REN: variants seen among roughly 807,000 people sequenced by gnomAD.
REN encodes the protein angiotensin-forming enzyme.
In REN, 42 loss-of-function variants were observed where a neutral mutation model predicts 48.6. That is an observed-to-expected ratio of 0.86 (90% CI 0.68 to 1.12). REN has a LOEUF of 1.12. Ranked by LOEUF, REN falls within the 50% of genes most tolerant of loss-of-function variation. The pLI, the probability that REN is intolerant of heterozygous loss-of-function variation, is 0.00. For synonymous variants in REN, 196 were observed against 204.6 expected (o/e 0.96, Z 0.36); for missense variants, 443 against 527.3 (o/e 0.84, Z 1.57).
In REN at chr1:204,159,037, C is replaced by A. The variant is rs11571118; in HGVS notation, c.689+362G>T. Among the ~76,000 whole-genome samples the A allele has an allele frequency of 7.7e-3, 1,178 of 152,272 alleles. 20 individuals carry two copies. Among genetic ancestry groups the A allele is most frequent in the African/African-American group, 0.027 (1,128 of 41,548 alleles). On this transcript the variant is annotated intron_variant, in intron 5 of 9. Transcript: ENST00000272190. The stretch of plus-strand genomic sequence containing the variant: ...AGTAATCCCTTATTTACCATCGCCC[C>A]CACCTTGCATCTCCTCTTGCTCCAG...
Position 204,166,178 on chromosome 1 carries a change from G to A in REN, c.98+18C>T, listed in dbSNP as rs369600378. The A allele has an allele frequency of 5.6e-6, 9 of 1,607,578 alleles. No homozygotes were observed. The African/African-American group carries it at 1.2e-4, about 21-fold the overall frequency. The stretch of plus-strand genomic sequence containing the variant: ...CCTGCACCCCTCCCACCCCTTCTCT[G>A]CCTGAGTTACCAATTACCGTTTAAA... On this transcript the variant is annotated intron_variant, in intron 1 of 9. Coordinates refer to ENST00000272190, the MANE Select transcript of REN (RefSeq NM_000537.4).
chr1:204,159,712 G>A (rs76127380), intron 4 of REN, 117 bp from the exon 5 acceptor site: 12 of 864,056 alleles, frequency 1.4e-5, no homozygotes, highest in African/African-American at 1.2e-4. Context: ...TACAGAAATC[G>A]GGGTAAGAGT....
intron 1 of REN, among the ~76,000 whole-genome samples, chr1:204,164,322 C>T: frequency 6.6e-6 from 1 of 152,124 alleles, no homozygotes; most frequent in East Asian, 1.9e-4. Context: ...ATATCACCTC[C>T]CTGAGCCTCA....
chr1:204,158,103 C>A (rs1658180120), intron 5 of REN, among the ~76,000 whole-genome samples: 1 of 151,744 alleles, frequency 6.6e-6, no homozygotes. Context: ...GATCTCACCC[C>A]CCACGCCACC....
chr1:204,164,183 G>A (rs1658297629), intron 1 of REN, among the ~76,000 whole-genome samples: 1 of 152,172 alleles, frequency 6.6e-6, no homozygotes, highest in African/African-American at 2.4e-5. Flanking sequence ...CTGGAGTGCA[G>A]CTGCTTTGAA....
Position 204,156,682 on chromosome 1 carries a change from C to G in REN, c.813G>C (p.Met271Ile). ...GAGGGTTGAGGATTTCTGACCCCTTCATTTGAATCTGCCAGACACCAGTCT... is the reference window on the plus strand; with the variant it reads ...GAGGGTTGAGGATTTCTGACCCCTTGATTTGAATCTGCCAGACACCAGTCT... ...LIKTGVWQIQMKGVSVGSSTL... is the reference protein window; with the variant it reads ...LIKTGVWQIQIKGVSVGSSTL... The change falls in exon 7 of 10, where the codon ATG (methionine) becomes ATC (isoleucine). Residue 271 changes from methionine to isoleucine, a missense_variant. By Grantham distance (10) the Met-to-Ile change is conservative. Transcript: ENST00000272190. This position sits in a 1 kb window ranked among gnomAD's most constrained non-coding sequence, Gnocchi z 4.2. 2 of 1,606,646 alleles carry G rather than the reference C, an allele frequency of 1.2e-6. No individual in the cohort carries two copies. Among genetic ancestry groups the G allele is most frequent in the Non-Finnish European group, 1.7e-6 (2 of 1,175,850 alleles).
intron 1 of REN, among the ~76,000 whole-genome samples, chr1:204,164,386 T>C (rs1658300984): frequency 2.0e-5 from 3 of 152,290 alleles, no homozygotes; most frequent in African/African-American, 4.8e-5. Context: ...TGACTTGAGA[T>C]GAGACATGTG....
intron 9 of REN, among the ~76,000 whole-genome samples, 188 bp from the exon 10 acceptor site, chr1:204,155,365 G>A (rs1658130031): frequency 6.6e-6 from 1 of 152,066 alleles, no homozygotes; most frequent in Admixed American, 6.6e-5. Flanking sequence ...CCTATGTTTA[G>A]CCCCTGTGCT....
At chr1:204,163,993 G>A (rs1446284828) in intron 1 of REN, among the ~76,000 whole-genome samples, 2 of 152,176 alleles carry the variant, frequency 1.3e-5, no homozygotes, top group African/African-American at 4.8e-5. Flanking sequence ...CTTGAGAATG[G>A]AGCTCATTCA....
chr1:204,163,153 A>G (rs757354349), intron 1 of REN, among the ~76,000 whole-genome samples: 8 of 151,836 alleles, frequency 5.3e-5, no homozygotes, highest in Non-Finnish European at 1.0e-4. Context: ...GCCCAAGTTG[A>G]CTCTGCAATA....
In REN at chr1:204,159,401, G is replaced by T; in HGVS notation, c.687C>A (p.Asn229Lys). Residue 229 changes from asparagine to lysine, a missense_variant and splice_region_variant, in exon 5 of 10, where the codon AAC becomes AAA. Physicochemically the swap from Asn to Lys is moderately conservative, Grantham distance 94 (BLOSUM62 0). Coordinates refer to ENST00000272190, the MANE Select transcript of REN (RefSeq NM_000537.4). ...GCCCTTGGAGTCCCAGTCCCCACCT[G>T]TTGTAGTAGAAAGAGAAGACGTCCT... ...LKEDVFSFYY[N>K]RDSENSQSLG... The T allele has an allele frequency of 6.2e-7, 1 of 1,613,778 alleles. No homozygotes were observed. The highest frequency in any genetic ancestry group is 8.5e-7 in the Non-Finnish European group (1 of 1,179,820).
chr1:204,163,994 A>G (rs894005780), intron 1 of REN, among the ~76,000 whole-genome samples: 1 of 152,190 alleles, frequency 6.6e-6, no homozygotes. Context: ...TTGAGAATGG[A>G]GCTCATTCAT....
intron 6 of REN, 148 bp downstream of exon 6, chr1:204,157,213 G>C (rs915827216): frequency 5.5e-5 from 61 of 1,101,278 alleles, no homozygotes; most frequent in African/African-American, 7.7e-5. Flanking sequence ...GGCATGGAGA[G>C]AGCAGGAAGG....
At chr1:204,163,737 G>A (rs1357586495) in intron 1 of REN, among the ~76,000 whole-genome samples, 1 of 152,198 alleles carries the variant, frequency 6.6e-6, no homozygotes, top group Non-Finnish European at 1.5e-5. Context: ...ACACTGTACA[G>A]CTTGTGGAAC....
chr1:204,165,742 C>G (rs967038812), intron 1 of REN, among the ~76,000 whole-genome samples: 1 of 152,088 alleles, frequency 6.6e-6, no homozygotes, highest in African/African-American at 2.4e-5. Flanking sequence ...CAAGTGCCTG[C>G]CACCATGCCC....
chr1:204,164,430 G>A (rs1469148820), intron 1 of REN, among the ~76,000 whole-genome samples: 1 of 152,130 alleles, frequency 6.6e-6, no homozygotes, highest in Non-Finnish European at 1.5e-5. Context: ...CATTTTATAG[G>A]CTTAGCAACT....
intron 5 of REN, 45 bp from the exon 6 acceptor site, chr1:204,157,414 C>T: frequency 6.2e-7 from 1 of 1,613,976 alleles, no homozygotes; most frequent in Non-Finnish European, 8.5e-7. Flanking sequence ...CATTTCATGC[C>T]AGCCTCATCA....
At chr1:204,164,323 C>T (rs1012582246) in intron 1 of REN, among the ~76,000 whole-genome samples, 45 of 152,180 alleles carry the variant, frequency 3.0e-4, no homozygotes, top group African/African-American at 1.0e-3. Flanking sequence ...TATCACCTCC[C>T]TGAGCCTCAG....
chr1:204,164,382 G>C (rs1387619346), intron 1 of REN, among the ~76,000 whole-genome samples: 1 of 152,138 alleles, frequency 6.6e-6, no homozygotes, highest in Non-Finnish European at 1.5e-5. Context: ...GGCATGACTT[G>C]AGATGAGACA....
Sources: gnomAD v4.1 joint callset for allele counts (sites outside exome capture counted in the v4.1 genomes callset) on GRCh38, gnomAD v4.1.1 for gene constraint, Gnocchi (gnomAD v3.1) non-coding constraint, MANE v1.5 for transcripts, NCBI Gene and HGNC (gene_info 2026-07-23, HGNC 2026-07-21) for gene names.